NEK2: variants seen among roughly 807,000 people sequenced by gnomAD.
NEK2 encodes serine/threonine-protein kinase Nek2.
NEK2 carries 28 observed loss-of-function variants against 54.1 expected under a neutral mutation model. That is an observed-to-expected ratio of 0.52 (90% CI 0.38 to 0.71). The LOEUF is 0.71. Among genes scored for constraint, NEK2 ranks in the 30% least tolerant of loss-of-function variants. The pLI, the probability that NEK2 is intolerant of heterozygous loss-of-function variation, is 0.00. For synonymous variants in NEK2, 176 were observed against 193.1 expected (o/e 0.91, Z 0.73); for missense variants, 407 against 531.5 (o/e 0.77, Z 2.30).
At chr1:211,664,899 G>A (rs776602184) in intron 7 of NEK2, among the ~76,000 whole-genome samples, 10 of 152,318 alleles carry the variant, frequency 6.6e-5, no homozygotes, top group Non-Finnish European at 1.5e-4. Context: ...AGTCACAGGT[G>A]CAGCTGTAGT....
At chr1:211,660,554 T>A, downstream of NEK2, 4 of 632,932 alleles carry the variant, frequency 6.3e-6, no homozygotes, top group Non-Finnish European at 1.2e-5. Context: ...AACTCTCCCA[T>A]CTCCAGCAGG....
intron 4 of NEK2, among the ~76,000 whole-genome samples, 195 bp downstream of exon 4, chr1:211,671,007 C>G (rs1200500674): frequency 2.6e-5 from 4 of 152,220 alleles, no homozygotes; most frequent in Non-Finnish European, 5.9e-5. Context: ...CAAGACCCAG[C>G]CTCATGGCTT....
chr1:211,664,738 C>T (rs919332175), intron 7 of NEK2, among the ~76,000 whole-genome samples: 1 of 152,248 alleles, frequency 6.6e-6, no homozygotes, highest in Non-Finnish European at 1.5e-5. Context: ...ACCTTATCTC[C>T]ACTGTTTCAA....
At position 211,669,260 on chromosome 1, in the gene NEK2, T is replaced by G. The variant is rs1216557955; in HGVS notation, c.838A>C (p.Arg280=). 2 of 1,614,056 alleles carry G rather than the reference T, an allele frequency of 1.2e-6. No individual in the cohort carries two copies. The highest frequency in any genetic ancestry group is 3.3e-5 in the Admixed American group (2 of 60,000). The change falls in exon 6 of 8, where the codon AGA becomes CGA. Residue 280 remains arginine (R), a synonymous_variant. Transcript: ENST00000366999. ...LIADLVADEQ[R]RNLERRGRQL... is the part of the protein sequence containing the mutation. ...CGCCCTCTTCTCTCAAGATTTCTTC[T>G]TTGCTCGTCTGCAACCAAATCTGCT...
At chr1:211,660,232 A>G, downstream of NEK2, 1 of 331,018 alleles carries the variant, frequency 3.0e-6, no homozygotes, top group South Asian at 3.8e-5. Flanking sequence ...CCCCAGAAAG[A>G]TGGCTGGGAG....
rs755607037 is a variant in NEK2 at position 211,674,383 on chromosome 1, T to C, written c.227A>G (p.Asp76Gly). 2.5e-6 allele frequency: 4 copies of C among 1,614,176 alleles called. No individual in the cohort carries two copies. The highest frequency in any genetic ancestry group is 3.4e-6 in the Non-Finnish European group (4 of 1,180,008). ...AATGTACAGTGTTGTATTGGTCCGG[T>C]CAATAATCCGATCATAGTAACGAAC... ...NIVRYYDRII[D>G]RTNTTLYIVM... Residue 76 changes from aspartate (D) to glycine (G), a missense_variant, in exon 2 of 8, where the codon GAC (aspartate) becomes GGC (glycine). Transcript: ENST00000366999.
At chr1:211,673,252 T>C (rs886497069) in intron 3 of NEK2, among the ~76,000 whole-genome samples, 8 of 151,826 alleles carry the variant, frequency 5.3e-5, no homozygotes, top group Non-Finnish European at 1.0e-4. Flanking sequence ...CTACTAAACA[T>C]ACAAAAATTA....
In NEK2 at chr1:211,663,081, G is replaced by A. The variant is rs1391529006; in HGVS notation, c.*345C>T. ...AGTCATTTAAAACTATTCAGTGAGTGCTACTCTTCCTGCATAAATATTTTT... is the reference window on the plus strand; with the variant it reads ...AGTCATTTAAAACTATTCAGTGAGTACTACTCTTCCTGCATAAATATTTTT... On this transcript the variant is annotated 3_prime_UTR_variant, in exon 8 of 8. Coordinates refer to ENST00000366999, the MANE Select transcript of NEK2 (RefSeq NM_002497.4). 6 of 1,045,814 alleles carry A rather than the reference G, an allele frequency of 5.7e-6. No individual in the cohort carries two copies. The highest frequency in any genetic ancestry group is 6.9e-6 in the Non-Finnish European group (6 of 866,096). The allele number at this position is 1,045,814 out of a possible 1,614,324, so 64.8% of individuals were successfully genotyped here.
At position 211,670,434 on chromosome 1, in the gene NEK2, G is replaced by A. The variant is rs377744162; in HGVS notation, c.639-27C>T. ...TAGGGTTAAAAAAGAAGAAGAAGAC[G>A]ACGAAGACATTTTCAAATTGTAAAA... On this transcript the variant is annotated intron_variant, in intron 4 of 7. Transcript: ENST00000366999. The A allele has an allele frequency of 7.1e-5, 113 of 1,588,396 alleles. No individual in the cohort carries two copies. The East Asian group carries it at 1.1e-3, about 16-fold the overall frequency.
At chr1:211,660,282 G>T, downstream of NEK2, 2 of 439,242 alleles carry the variant, frequency 4.6e-6, no homozygotes, top group Non-Finnish European at 9.0e-6. Context: ...CCATAATGTG[G>T]CTGTGGCTGT....
chr1:211,667,479 C>A (rs1019627296), intron 6 of NEK2, among the ~76,000 whole-genome samples: 3 of 152,158 alleles, frequency 2.0e-5, no homozygotes, highest in Non-Finnish European at 4.4e-5. Context: ...TTAGCTTCAA[C>A]CTTTGGTCAT....
chr1:211,666,227 A>G (rs907276444), intron 7 of NEK2, among the ~76,000 whole-genome samples: 13 of 152,242 alleles, frequency 8.5e-5, no homozygotes, highest in African/African-American at 3.1e-4. Flanking sequence ...AGAAAGCTGA[A>G]TATCTATATA....
intron 4 of NEK2, 138 bp from the exon 5 acceptor site, chr1:211,670,545 T>C: frequency 2.0e-6 from 2 of 1,016,556 alleles, no homozygotes; most frequent in Non-Finnish European, 2.9e-6. Context: ...ATTTTCTTCT[T>C]ATAAGTAAGT....
chr1:211,660,904 C>T, downstream of NEK2: 3 of 735,954 alleles, frequency 4.1e-6, no homozygotes, highest in Non-Finnish European at 7.7e-6. Flanking sequence ...CTGATACCAG[C>T]AGATCTGTCC....
At chr1:211,674,027 G>T (rs1655492280) in intron 2 of NEK2, among the ~76,000 whole-genome samples, 1 of 152,048 alleles carries the variant, frequency 6.6e-6, no homozygotes, top group Admixed American at 6.5e-5. Flanking sequence ...TGTTGCCCAG[G>T]CTGGTCTTGA....
downstream of NEK2, chr1:211,660,801 G>A (rs1302678547): frequency 1.4e-6 from 1 of 700,492 alleles, no homozygotes; most frequent in Non-Finnish European, 2.7e-6. Flanking sequence ...TCAGGTAATA[G>A]GGCTGCTCCC....
At chr1:211,675,298 G>T in intron 1 of NEK2, 86 bp downstream of exon 1, 1 of 1,216,904 alleles carries the variant, frequency 8.2e-7, no homozygotes, top group Non-Finnish European at 1.2e-6. Context: ...CCTCAGCCCT[G>T]TCGGTTCCCT....
downstream of NEK2, chr1:211,658,760 A>G (rs1204578971): frequency 9.5e-6 from 3 of 314,792 alleles, no homozygotes; most frequent in African/African-American, 4.5e-5. Context: ...GAAAGAAAAA[A>G]AAAGAAATAG....
intron 7 of NEK2, among the ~76,000 whole-genome samples, chr1:211,665,423 T>C (rs1355145968): frequency 6.6e-6 from 1 of 152,230 alleles, no homozygotes; most frequent in Non-Finnish European, 1.5e-5. Flanking sequence ...AAACACATCA[T>C]CCTTACTTAG....
Sources: allele counts gnomAD v4.1 joint callset (sites outside exome capture counted in the v4.1 genomes callset), GRCh38; gene constraint gnomAD v4.1.1; transcripts MANE v1.5; gene names NCBI Gene and HGNC (gene_info 2026-07-23, HGNC 2026-07-21).